FRMD4A: variants seen among roughly 807,000 people sequenced by gnomAD.
The protein encoded by FRMD4A is FERM domain-containing protein 4A.
FRMD4A carries 29 observed loss-of-function variants against 129.1 expected under a neutral mutation model. The observed-to-expected ratio is 0.22, with a 90% CI of 0.17 to 0.31. FRMD4A has a LOEUF of 0.31. Among genes scored for constraint, FRMD4A ranks in the 10% least tolerant of loss-of-function variants. FRMD4A has a pLI of 1.00. For missense variants in FRMD4A, 1,272 were observed against 1,375.8 expected (o/e 0.92, Z 1.19); for synonymous variants, 634 against 571.6 (o/e 1.11, Z -1.56).
chr10:13,937,545 G>T (rs72774666), intron 2 of FRMD4A, among the ~76,000 whole-genome samples: 13,881 of 152,158 alleles, frequency 0.091, 743 homozygotes, highest in Non-Finnish European at 0.13. Flanking sequence ...CTCAAATTGA[G>T]TAACAAATCA....
chr10:13,945,879 A>G (rs1438480924), intron 2 of FRMD4A, among the ~76,000 whole-genome samples: 1 of 152,204 alleles, frequency 6.6e-6, no homozygotes, highest in Non-Finnish European at 1.5e-5. Context: ...GCAGGCTTCA[A>G]GGAAGAAGCC....
At chr10:13,705,534 G>A (rs1351845464) in intron 13 of FRMD4A, among the ~76,000 whole-genome samples, 1 of 152,072 alleles carries the variant, frequency 6.6e-6, no homozygotes, top group Non-Finnish European at 1.5e-5. Context: ...CTGACCCATT[G>A]TGGCAAAGTT....
At chr10:14,169,251 A>T (rs1397286817) in intron 2 of FRMD4A, among the ~76,000 whole-genome samples, 1 of 152,042 alleles carries the variant, frequency 6.6e-6, no homozygotes, top group Non-Finnish European at 1.5e-5. Context: ...CTTGGATGCT[A>T]ATCTGCCACT....
intron 2 of FRMD4A, among the ~76,000 whole-genome samples, chr10:13,900,860 G>A (rs1241199758): frequency 6.6e-6 from 1 of 152,122 alleles, no homozygotes; most frequent in Non-Finnish European, 1.5e-5. Flanking sequence ...TCACGCCACT[G>A]TACTCCAGCC....
chr10:13,700,820 CTTTTTTTTTTTTT>C (rs71503097), intron 14 of FRMD4A, among the ~76,000 whole-genome samples: 1 of 44,714 alleles, frequency 2.2e-5, no homozygotes, highest in African/African-American at 8.6e-5. Flanking sequence ...AGGGTAGTTG[CTTTTTTTTTTTTT>C]TTTTTTTTTT....
chr10:14,216,652 G>A (rs747716628), intron 2 of FRMD4A, among the ~76,000 whole-genome samples: 4 of 152,046 alleles, frequency 2.6e-5, no homozygotes, highest in African/African-American at 7.2e-5. Context: ...CCACCCGTTC[G>A]CCAGCAAGTC....
chr10:13,943,476 T>G (rs1588458541), intron 2 of FRMD4A, among the ~76,000 whole-genome samples: 2 of 151,402 alleles, frequency 1.3e-5, no homozygotes, highest in Non-Finnish European at 2.9e-5. Context: ...GGTGAAACCC[T>G]GTCTCTACTA....
At chr10:14,319,970 C>T (rs1846911923) in intron 2 of FRMD4A, among the ~76,000 whole-genome samples, 1 of 152,142 alleles carries the variant, frequency 6.6e-6, no homozygotes, top group Admixed American at 6.6e-5. Context: ...CCAGCTGGCT[C>T]CTCCCTGTGC....
chr10:14,277,841 G>A (rs1845393299), intron 2 of FRMD4A, among the ~76,000 whole-genome samples: 1 of 152,218 alleles, frequency 6.6e-6, no homozygotes, highest in East Asian at 1.9e-4. Flanking sequence ...GGGAGCTCCG[G>A]CATTCTCTGA....
intron 2 of FRMD4A, among the ~76,000 whole-genome samples, chr10:13,896,866 G>C (rs977429298): frequency 6.6e-6 from 1 of 152,126 alleles, no homozygotes; most frequent in African/African-American, 2.4e-5. Flanking sequence ...TCTGTTCCCC[G>C]AAGAGCAGCC....
chr10:14,095,295 C>A (rs1210080767), intron 2 of FRMD4A, among the ~76,000 whole-genome samples: 2 of 152,160 alleles, frequency 1.3e-5, no homozygotes, highest in South Asian at 2.1e-4. Context: ...GGAACGAGTT[C>A]AAGTTTTAAA....
At chr10:14,162,341 C>T (rs1031687738) in intron 2 of FRMD4A, among the ~76,000 whole-genome samples, 2 of 152,178 alleles carry the variant, frequency 1.3e-5, no homozygotes, top group South Asian at 2.1e-4. Context: ...CAGCTTATTT[C>T]GACAATGTAG....
intron 2 of FRMD4A, among the ~76,000 whole-genome samples, chr10:14,131,227 C>G (rs1355570588): frequency 1.3e-5 from 2 of 152,156 alleles, no homozygotes; most frequent in Non-Finnish European, 2.9e-5. Context: ...CCTCTAACGA[C>G]AACACATCTA....
chr10:13,687,550 A>G (rs910987586), intron 15 of FRMD4A, among the ~76,000 whole-genome samples: 1 of 152,210 alleles, frequency 6.6e-6, no homozygotes, highest in Admixed American at 6.5e-5. Context: ...TTCTTTCAAC[A>G]TGGATTTTGG....
intron 1 of FRMD4A, 130 bp downstream of exon 1, chr10:14,330,467 A>C (rs566560993): frequency 7.3e-6 from 3 of 408,384 alleles, no homozygotes; most frequent in Non-Finnish European, 1.3e-5. Flanking sequence ...CCTGGCAGCA[A>C]TTCTTCCTTT....
At chr10:13,850,051 C>A (rs2099742506) in intron 3 of FRMD4A, among the ~76,000 whole-genome samples, 2 of 151,978 alleles carry the variant, frequency 1.3e-5, no homozygotes, top group African/African-American at 2.4e-5. Context: ...TGCCTGTAAT[C>A]CCAGCTACTT....
At chr10:13,909,214 C>T (rs1459196165) in intron 2 of FRMD4A, among the ~76,000 whole-genome samples, 4 of 152,108 alleles carry the variant, frequency 2.6e-5, no homozygotes, top group Non-Finnish European at 4.4e-5. Flanking sequence ...AAATACTTGC[C>T]GAGCAAATGA....
intron 2 of FRMD4A, among the ~76,000 whole-genome samples, chr10:14,040,813 T>C (rs1833750165): frequency 6.6e-6 from 1 of 152,212 alleles, no homozygotes; most frequent in South Asian, 2.1e-4. Flanking sequence ...CTGCAGTGGA[T>C]ACAGTGGTTT....
intron 12 of FRMD4A, among the ~76,000 whole-genome samples, chr10:13,736,927 T>C (rs146752730): frequency 0.012 from 1,862 of 152,326 alleles, 64 homozygotes; most frequent in South Asian, 0.11. Context: ...AATTCAAACG[T>C]TGTATCCCTT....
Sources: gnomAD v4.1 joint callset for allele counts (sites outside exome capture counted in the v4.1 genomes callset) on GRCh38, gnomAD v4.1.1 for gene constraint, MANE v1.5 for transcripts, NCBI Gene and HGNC (gene_info 2026-07-23, HGNC 2026-07-21) for gene names.